Variants in IGSF21 observed in about 807,000 individuals in gnomAD.
The protein encoded by IGSF21 is immunoglobulin superfamily member 21.
In IGSF21, 28 loss-of-function variants were observed where a neutral mutation model predicts 46.8. That is an observed-to-expected ratio of 0.60 (90% CI 0.44 to 0.82). The LOEUF (loss-of-function observed/expected upper bound fraction) is 0.82. Ranked by LOEUF, IGSF21 falls within the 40% of genes least tolerant of loss-of-function variation. The pLI, the probability that IGSF21 is intolerant of heterozygous loss-of-function variation, is 0.00. For synonymous variants in IGSF21, 284 were observed against 273.6 expected (o/e 1.04, Z -0.38); for missense variants, 624 against 665.5 (o/e 0.94, Z 0.69).
Position 18,335,174 on chromosome 1 carries a change from C to G in IGSF21, c.424+164C>G, listed in dbSNP as rs550620652. ...TCTTGTTGTGGAGGGGCAACCAGAC[C>G]AAGCTGAGCCAAGGTGTGACCCGTG... On this transcript the variant is annotated intron_variant, in intron 4 of 9. Transcript: ENST00000251296. This position sits in a 1 kb window ranked among gnomAD's most constrained non-coding sequence, Gnocchi z 4.8. Among the ~76,000 whole-genome samples the G allele has an allele frequency of 5.2e-4, 79 of 152,316 alleles. No homozygotes were observed. The highest frequency in any genetic ancestry group is 1.6e-3 in the African/African-American group (68 of 41,562).
At chr1:18,256,535 G>A (rs988306829) in intron 2 of IGSF21, among the ~76,000 whole-genome samples, 7 of 152,042 alleles carry the variant, frequency 4.6e-5, no homozygotes, top group Non-Finnish European at 8.8e-5. Context: ...TTTCAGCAAG[G>A]GGCAGCCTCA....
intron 4 of IGSF21, among the ~76,000 whole-genome samples, chr1:18,344,864 A>T (rs1175066807): frequency 6.6e-6 from 1 of 152,178 alleles, no homozygotes; most frequent in South Asian, 2.1e-4. Flanking sequence ...TAATTACATT[A>T]ACTGGCTCCA....
chr1:18,212,471 T>A (rs554450080), intron 1 of IGSF21, among the ~76,000 whole-genome samples: 9 of 152,274 alleles, frequency 5.9e-5, no homozygotes, highest in African/African-American at 2.2e-4. Flanking sequence ...GCATCACCAT[T>A]GTCCTGAGAA....
At chr1:18,376,659 C>G (rs1029428706) in intron 7 of IGSF21, 141 bp from the exon 8 acceptor site, 14 of 755,902 alleles carry the variant, frequency 1.9e-5, no homozygotes, top group East Asian at 7.8e-5. Context: ...GACTCCTCCT[C>G]CTCCTGGAGT....
At chr1:18,124,581 G>A (rs907755146) in intron 1 of IGSF21, among the ~76,000 whole-genome samples, 2 of 152,104 alleles carry the variant, frequency 1.3e-5, no homozygotes, top group African/African-American at 4.8e-5. Flanking sequence ...GGCTCTTCGT[G>A]TCTCAGGGGC....
intron 2 of IGSF21, among the ~76,000 whole-genome samples, chr1:18,245,914 C>T (rs1017708592): frequency 6.6e-6 from 1 of 152,208 alleles, no homozygotes; most frequent in African/African-American, 2.4e-5. Context: ...CGATGACTCT[C>T]CCCTTCAAGG....
At chr1:18,343,780 C>T (rs979243597) in intron 4 of IGSF21, among the ~76,000 whole-genome samples, 2 of 152,210 alleles carry the variant, frequency 1.3e-5, no homozygotes, top group Non-Finnish European at 2.9e-5. Flanking sequence ...TCCAGACTCT[C>T]CATTCTGTTT....
intron 2 of IGSF21, among the ~76,000 whole-genome samples, chr1:18,289,745 C>A (rs2085248641): frequency 6.6e-6 from 1 of 152,196 alleles, no homozygotes; most frequent in South Asian, 2.1e-4. Flanking sequence ...TGGTACCTAC[C>A]AAACCGCACC....
chr1:18,157,760 G>A (rs528420873), intron 1 of IGSF21, among the ~76,000 whole-genome samples: 14 of 152,208 alleles, frequency 9.2e-5, no homozygotes, highest in Admixed American at 4.6e-4. Context: ...TATTTGGTTC[G>A]CCACTCCAAC....
At chr1:18,266,289 G>T (rs2084989025) in intron 2 of IGSF21, among the ~76,000 whole-genome samples, 1 of 152,328 alleles carries the variant, frequency 6.6e-6, no homozygotes, top group East Asian at 1.9e-4. Flanking sequence ...ATATGGTAGA[G>T]CCAGGAGCTG....
chr1:18,201,971 T>C (rs2087079680), intron 1 of IGSF21, among the ~76,000 whole-genome samples: 1 of 152,190 alleles, frequency 6.6e-6, no homozygotes, highest in Non-Finnish European at 1.5e-5. Context: ...CCTGACCCTC[T>C]TCTCCCTCTA....
intron 1 of IGSF21, among the ~76,000 whole-genome samples, chr1:18,174,663 GA>G (rs1307430620): frequency 2.0e-5 from 3 of 152,154 alleles, no homozygotes; most frequent in African/African-American, 7.2e-5. Flanking sequence ...TTGCCCACCC[GA>G]TTCCCATCGC....
At chr1:18,318,495 C>T (rs1223845930) in intron 3 of IGSF21, among the ~76,000 whole-genome samples, 2 of 149,014 alleles carry the variant, frequency 1.3e-5, no homozygotes, top group Admixed American at 6.7e-5. Context: ...TGTGTGCGTG[C>T]GTTTGGCAAA....
chr1:18,358,789 CAA>C (rs2086052315), intron 4 of IGSF21, among the ~76,000 whole-genome samples: 1 of 152,208 alleles, frequency 6.6e-6, no homozygotes, highest in Non-Finnish European at 1.5e-5. Context: ...GTAACTTGCC[CAA>C]GGTCACACAG....
At chr1:18,368,983 G>A (rs1445432565) in intron 6 of IGSF21, among the ~76,000 whole-genome samples, 1 of 152,286 alleles carries the variant, frequency 6.6e-6, no homozygotes, top group East Asian at 1.9e-4. Context: ...CTCTGTCCTG[G>A]ATCCCAGGCC....
At chr1:18,231,359 G>C (rs1364771855) in intron 2 of IGSF21, among the ~76,000 whole-genome samples, 4 of 152,202 alleles carry the variant, frequency 2.6e-5, no homozygotes, top group African/African-American at 9.6e-5. Flanking sequence ...ACCTCTGGCT[G>C]GATATTTGGG....
At chr1:18,228,598 C>G (rs2084592959) in intron 2 of IGSF21, among the ~76,000 whole-genome samples, 1 of 152,158 alleles carries the variant, frequency 6.6e-6, no homozygotes, top group African/African-American at 2.4e-5. Flanking sequence ...TTTTCAACCA[C>G]TGAGTGAAAT....
chr1:18,237,353 T>C lies in IGSF21; in HGVS notation c.183+9343T>C, dbSNP rs556920140. On this transcript the variant is annotated intron_variant, in intron 2 of 9. Transcript: ENST00000251296. ...TATAAAGAAGGACAGGTGGGCCCAC[T>C]CCCCTCGAGGGGAGCGCTTCCCGTC... Among the ~76,000 whole-genome samples, 85 of 152,188 alleles carry C rather than the reference T, an allele frequency of 5.6e-4. No individual in the cohort carries two copies. In the South Asian group the frequency reaches 0.016, roughly 29 times the overall value.
intron 3 of IGSF21, among the ~76,000 whole-genome samples, chr1:18,314,690 G>T (rs1557639565): frequency 6.6e-6 from 1 of 152,194 alleles, no homozygotes; most frequent in Non-Finnish European, 1.5e-5. Flanking sequence ...GAGGTCTCGT[G>T]CCAAAGCCTT....
Sources: allele counts gnomAD v4.1 joint callset (sites outside exome capture counted in the v4.1 genomes callset), GRCh38; gene constraint gnomAD v4.1.1; non-coding constraint Gnocchi (gnomAD v3.1); transcripts MANE v1.5; gene names NCBI Gene and HGNC (gene_info 2026-07-23, HGNC 2026-07-21).